The following C3orf70 variants were observed in gnomAD, a reference collection of about 807,000 sequenced individuals.
The protein encoded by C3orf70 is chromosome 3 open reading frame 70, also known as UPF0524 protein C3orf70.
Under a neutral mutation model 20.7 loss-of-function variants are expected in C3orf70, and 15 were observed. The observed-to-expected ratio is 0.72, with a 90% CI of 0.48 to 1.11. C3orf70 has a LOEUF of 1.11. Ranked by LOEUF, C3orf70 falls within the 50% of genes most tolerant of loss-of-function variation. The pLI is 0.00. For missense variants in C3orf70, 332 were observed against 317.6 expected (o/e 1.05, Z -0.34); for synonymous variants, 161 against 125.7 (o/e 1.28, Z -1.88).
intron 1 of C3orf70, among the ~76,000 whole-genome samples, chr3:185,120,638 A>G (rs1405169067): frequency 6.6e-6 from 1 of 152,014 alleles, no homozygotes. Context: ...CAACCTCACT[A>G]ATGATCAGGG....
intron 1 of C3orf70, among the ~76,000 whole-genome samples, chr3:185,094,953 G>A (rs1423923614): frequency 6.6e-6 from 1 of 152,158 alleles, no homozygotes; most frequent in African/African-American, 2.4e-5. Flanking sequence ...TTAAGTGTCT[G>A]CACTCTGCAG....
rs1247552900 is a variant in C3orf70 at position 185,084,030 on chromosome 3, CAA to C, written c.197-469_197-468del. On this transcript the variant is annotated intron_variant, in intron 1 of 1. Coordinates refer to ENST00000335012, the MANE Select transcript of C3orf70 (RefSeq NM_001025266.3). ...CAAAACCCTGTCTCTACTAAAAACA[CAA>C]AACGTAGCTGGGCATGGTGGCACAC... Among the ~76,000 whole-genome samples the C allele has an allele frequency of 4.6e-5, 7 of 152,172 alleles. No individual in the cohort carries two copies. The East Asian group carries it at 1.4e-3, about 30-fold the overall frequency.
At chr3:185,091,959 ATATATTT>A (rs1561331111) in intron 1 of C3orf70, among the ~76,000 whole-genome samples, 31 of 6,964 alleles carry the variant, frequency 4.5e-3, no homozygotes, top group East Asian at 5.0e-3. Context: ...ATATATATAT[ATATATTT>A]TTTTTTTTTT....
At chr3:185,144,898 C>T (rs540024366) in intron 1 of C3orf70, among the ~76,000 whole-genome samples, 180 of 152,258 alleles carry the variant, frequency 1.2e-3, no homozygotes, top group Non-Finnish European at 2.1e-3. Flanking sequence ...CCCACCATGG[C>T]GCTTGGATGA....
chr3:185,102,770 ATCT>A (rs1715847074), intron 1 of C3orf70, among the ~76,000 whole-genome samples: 2 of 152,200 alleles, frequency 1.3e-5, no homozygotes, highest in African/African-American at 2.4e-5. Flanking sequence ...CAACTATCTA[ATCT>A]TCTACAAAGT....
At chr3:185,095,976 C>A (rs1305748448) in intron 1 of C3orf70, among the ~76,000 whole-genome samples, 1 of 152,060 alleles carries the variant, frequency 6.6e-6, no homozygotes, top group East Asian at 1.9e-4. Flanking sequence ...ACCTCATGAT[C>A]CTCCTGCCTC....
At chr3:185,091,744 G>C (rs977848371) in intron 1 of C3orf70, among the ~76,000 whole-genome samples, 5 of 149,508 alleles carry the variant, frequency 3.3e-5, no homozygotes, top group Non-Finnish European at 7.4e-5. Flanking sequence ...GAGTGCAGTG[G>C]TGCAGTCTTG....
rs900886965 is a variant in C3orf70 at position 185,082,649 on chromosome 3, G to C, written c.*358C>G. 1.3e-5 allele frequency: 3 copies of C among 229,952 alleles called. No individual in the cohort carries two copies. The highest frequency in any genetic ancestry group is 6.9e-5 in the African/African-American group (3 of 43,524). The allele number at this position is 229,952 out of a possible 1,614,324, so 14.2% of individuals were successfully genotyped here. ...GAGTCTCTGTGAAGGACTGGCTACC[G>C]AGAAAACACCGGCTCCTTCCCTTTC... On this transcript the variant is annotated 3_prime_UTR_variant, in exon 2 of 2. Coordinates refer to ENST00000335012, the MANE Select transcript of C3orf70 (RefSeq NM_001025266.3).
At chr3:185,128,791 G>A (rs931193031) in intron 1 of C3orf70, among the ~76,000 whole-genome samples, 1 of 152,088 alleles carries the variant, frequency 6.6e-6, no homozygotes, top group Non-Finnish European at 1.5e-5. Context: ...TCTATCAAAC[G>A]CGCTTCTGTG....
Position 185,078,832 on chromosome 3 carries a change from T to G in C3orf70, c.*4175A>C, listed in dbSNP as rs1715260529. The G allele has an allele frequency of 6.6e-6, 1 of 152,244 alleles. No homozygotes were observed. The allele number at this position is 152,244 out of a possible 1,614,324, so 9.4% of individuals were successfully genotyped here. ...AACTTGTGCTTTTTCTCCTGCCCAGTAGTATCTGTACCACTAAACTTAGAT... is the reference window on the plus strand; with the variant it reads ...AACTTGTGCTTTTTCTCCTGCCCAGGAGTATCTGTACCACTAAACTTAGAT... On this transcript the variant is annotated 3_prime_UTR_variant, in exon 2 of 2. Transcript: ENST00000335012.
intron 1 of C3orf70, 127 bp downstream of exon 1, chr3:185,152,501 C>G: frequency 1.3e-6 from 1 of 749,368 alleles, no homozygotes; most frequent in Non-Finnish European, 1.9e-6. Flanking sequence ...GCGGCCCCAG[C>G]CTCCGGCAGA....
chr3:185,087,713 G>A (rs1477013202), intron 1 of C3orf70, among the ~76,000 whole-genome samples: 1 of 152,060 alleles, frequency 6.6e-6, no homozygotes, highest in Non-Finnish European at 1.5e-5. Flanking sequence ...TTTACAAGAT[G>A]AAAAGAGATG....
intron 1 of C3orf70, among the ~76,000 whole-genome samples, chr3:185,135,282 TG>T: frequency 6.6e-6 from 1 of 151,828 alleles, no homozygotes; most frequent in South Asian, 2.1e-4. Flanking sequence ...CAAATGAAAC[TG>T]TAGAAAGCCT....
chr3:185,084,000 C>A (rs558032262), intron 1 of C3orf70, among the ~76,000 whole-genome samples: 2 of 152,152 alleles, frequency 1.3e-5, no homozygotes, highest in Non-Finnish European at 2.9e-5. Context: ...GCCTGGCCAA[C>A]GTGGCAAAAC....
intron 1 of C3orf70, among the ~76,000 whole-genome samples, chr3:185,107,868 A>G (rs968719756): frequency 2.0e-5 from 3 of 152,206 alleles, no homozygotes; most frequent in African/African-American, 7.2e-5. Context: ...AATTTTTTCA[A>G]CTCAGCATTC....
chr3:185,134,125 A>ATATATATATT (rs71298570), intron 1 of C3orf70, among the ~76,000 whole-genome samples: 1 of 145,820 alleles, frequency 6.9e-6, no homozygotes, highest in African/African-American at 2.6e-5. Context: ...TCATATATAT[A>ATATATATATT]TAGAGGAGAT....
At chr3:185,099,987 T>C (rs1715788964) in intron 1 of C3orf70, among the ~76,000 whole-genome samples, 2 of 152,174 alleles carry the variant, frequency 1.3e-5, no homozygotes, top group Non-Finnish European at 1.5e-5. Flanking sequence ...AAGGATTCAA[T>C]TTAGCAAGAA....
intron 1 of C3orf70, among the ~76,000 whole-genome samples, chr3:185,119,443 G>A (rs995846812): frequency 6.6e-6 from 1 of 152,006 alleles, no homozygotes; most frequent in Non-Finnish European, 1.5e-5. Context: ...ACGAAGTCAG[G>A]AGATCAAGAC....
intron 1 of C3orf70, among the ~76,000 whole-genome samples, chr3:185,101,627 T>A (rs990357356): frequency 2.6e-5 from 4 of 152,176 alleles, no homozygotes; most frequent in Admixed American, 6.5e-5. Flanking sequence ...CATTTTCACA[T>A]GGCTGGCAGG....
Sources: allele counts gnomAD v4.1 joint callset (sites outside exome capture counted in the v4.1 genomes callset), GRCh38; gene constraint gnomAD v4.1.1; transcripts MANE v1.5; gene names NCBI Gene and HGNC (gene_info 2026-07-23, HGNC 2026-07-21).